Variants in MSRA observed in about 807,000 individuals in gnomAD.
MSRA encodes the protein methionine sulfoxide reductase A.
A neutral mutation model predicts 31.3 loss-of-function variants in MSRA; 54 were observed. The observed-to-expected ratio is 1.73, with a 90% confidence interval of 1.39 to 2.17. MSRA has a LOEUF of 2.17. MSRA is among the 30% of genes most tolerant of loss of function. The pLI is 0.00. For synonymous variants in MSRA, 169 were observed against 116.5 expected (o/e 1.45, Z -2.90); for missense variants, 507 against 300.9 (o/e 1.69, Z -5.07).
At chr8:10,257,349 A>T (rs778111227) in intron 3 of MSRA, among the ~76,000 whole-genome samples, 3 of 152,194 alleles carry the variant, frequency 2.0e-5, no homozygotes, top group Non-Finnish European at 4.4e-5. Context: ...GTCTCAATGC[A>T]TTGGACACTG....
At chr8:10,356,139 C>A (rs1395566397) in intron 5 of MSRA, among the ~76,000 whole-genome samples, 1 of 152,220 alleles carries the variant, frequency 6.6e-6, no homozygotes, top group Non-Finnish European at 1.5e-5. Flanking sequence ...TCTGGACATT[C>A]ACTGCTGGTA....
At chr8:10,267,410 T>C (rs1437561465) in intron 3 of MSRA, among the ~76,000 whole-genome samples, 1 of 152,016 alleles carries the variant, frequency 6.6e-6, no homozygotes, top group Non-Finnish European at 1.5e-5. Flanking sequence ...TGGGGTTGTG[T>C]AGGGATATGT....
At chr8:10,278,674 G>A (rs564249844) in intron 3 of MSRA, among the ~76,000 whole-genome samples, 6 of 152,324 alleles carry the variant, frequency 3.9e-5, no homozygotes, top group Admixed American at 3.9e-4. Flanking sequence ...CTAGGAAATG[G>A]AATTTTTAGA....
chr8:10,244,250 A>G (rs981320333), intron 2 of MSRA, among the ~76,000 whole-genome samples: 12 of 152,338 alleles, frequency 7.9e-5, no homozygotes, highest in Middle Eastern at 3.4e-3. Flanking sequence ...TAGAACACCA[A>G]TTGTACTGGA....
At chr8:10,237,617 G>A (rs1812054780) in intron 2 of MSRA, among the ~76,000 whole-genome samples, 1 of 152,132 alleles carries the variant, frequency 6.6e-6, no homozygotes, top group Admixed American at 6.6e-5. Context: ...TACTCTACTA[G>A]GTATTTTGAC....
rs1800600040 is a variant in MSRA, at chr8:10,297,314, T to A, written c.332-4220T>A. On this transcript the variant is annotated intron_variant, in intron 3 of 5. Coordinates refer to ENST00000317173, the MANE Select transcript of MSRA (RefSeq NM_012331.5). The stretch of plus-strand genomic sequence containing the variant: ...TGGAGGGAGATGCTTAGAGAGGACA[T>A]CATCCTTTTCATTTTTTCTTTCAAG... Among the ~76,000 whole-genome samples the A allele has an allele frequency of 2.0e-5, 3 of 152,166 alleles. No homozygotes were observed. In the South Asian group the frequency reaches 6.2e-4, roughly 32 times the overall value.
chr8:10,248,751 C>T (rs1377513021), intron 3 of MSRA, among the ~76,000 whole-genome samples: 1 of 152,134 alleles, frequency 6.6e-6, no homozygotes, highest in South Asian at 2.1e-4. Context: ...GGAGGTGTGC[C>T]CATCGTGGGC....
At position 10,294,715 on chromosome 8, in the gene MSRA, A is replaced by T. The variant is rs183598927; in HGVS notation, c.332-6819A>T. On this transcript the variant is annotated intron_variant, in intron 3 of 5. Transcript: ENST00000317173. ...CCTCCTTGCACAGGGCTGTCATTGC[A>T]CTGCGGGCTACAGCAGAGCCCAGTT... is the stretch of plus-strand genomic sequence containing the variant. Among the ~76,000 whole-genome samples, 27 of 152,252 alleles carry T rather than the reference A, an allele frequency of 1.8e-4. No individual in the cohort carries two copies. In the East Asian group the frequency reaches 2.7e-3, roughly 15 times the overall value.
chr8:10,190,528 C>G (rs1271664280), intron 1 of MSRA, among the ~76,000 whole-genome samples: 1 of 152,224 alleles, frequency 6.6e-6, no homozygotes, highest in Non-Finnish European at 1.5e-5. Flanking sequence ...GCAAACTTCT[C>G]AGCCGTCTGG....
chr8:10,115,627 C>G (rs187484535), intron 1 of MSRA, among the ~76,000 whole-genome samples: 3 of 152,126 alleles, frequency 2.0e-5, no homozygotes, highest in African/African-American at 7.2e-5. Context: ...GAACCAGTGG[C>G]GCTTTCTAAA....
chr8:10,188,580 G>A (rs949971187), intron 1 of MSRA, among the ~76,000 whole-genome samples: 4 of 152,304 alleles, frequency 2.6e-5, no homozygotes, highest in Non-Finnish European at 4.4e-5. Context: ...GTTAATTGTC[G>A]TATAAGGTTT....
At chr8:10,185,705 T>C (rs1367728070) in intron 1 of MSRA, among the ~76,000 whole-genome samples, 1 of 152,166 alleles carries the variant, frequency 6.6e-6, no homozygotes, top group Non-Finnish European at 1.5e-5. Context: ...ACTGTGACGC[T>C]TTTTGTGGAA....
At chr8:10,418,798 G>A (rs1394666807) in intron 5 of MSRA, among the ~76,000 whole-genome samples, 1 of 103,458 alleles carries the variant, frequency 9.7e-6, no homozygotes, top group East Asian at 3.4e-4. Context: ...TTTATGTTAT[G>A]TGTATTTTAC....
At chr8:10,348,297 G>T (rs919084609) in intron 5 of MSRA, among the ~76,000 whole-genome samples, 9 of 151,072 alleles carry the variant, frequency 6.0e-5, no homozygotes, top group Non-Finnish European at 8.8e-5. Flanking sequence ...TTTTTCTTGA[G>T]GCCTACACCA....
chr8:10,258,023 G>A (rs1393772887), intron 3 of MSRA, among the ~76,000 whole-genome samples: 1 of 152,146 alleles, frequency 6.6e-6, no homozygotes, highest in African/African-American at 2.4e-5. Context: ...TCGTTTCCAA[G>A]TGCATGGCAT....
At chr8:10,250,647 A>G in intron 3 of MSRA, 1 of 600,038 alleles carries the variant, frequency 1.7e-6, no homozygotes, top group Non-Finnish European at 3.0e-6. Flanking sequence ...GCAGGAGCCC[A>G]GGTGTGGGAA....
intron 1 of MSRA, among the ~76,000 whole-genome samples, chr8:10,201,659 G>C (rs1234932945): frequency 6.6e-6 from 1 of 152,182 alleles, no homozygotes; most frequent in Non-Finnish European, 1.5e-5. Context: ...AAGTGCATGA[G>C]ACATTCACAA....
rs757566617 is a variant in MSRA at position 10,245,084 on chromosome 8, T to C, written c.212-20T>C. The C allele has an allele frequency of 5.0e-6, 8 of 1,608,452 alleles. No individual in the cohort carries two copies. The highest frequency in any genetic ancestry group is 3.4e-6 in the Non-Finnish European group (4 of 1,178,242). ...TTTTGAATAATCAGTATCCTTTTTTTTTCTTTTTTCTTTTTTAAGGAATGG... is the reference window on the plus strand; with the variant it reads ...TTTTGAATAATCAGTATCCTTTTTTCTTCTTTTTTCTTTTTTAAGGAATGG... On this transcript the variant is annotated intron_variant, in intron 2 of 5. Coordinates refer to ENST00000317173, the MANE Select transcript of MSRA (RefSeq NM_012331.5).
chr8:10,198,861 T>C (rs1392851855), intron 1 of MSRA, among the ~76,000 whole-genome samples: 1 of 152,200 alleles, frequency 6.6e-6, no homozygotes, highest in Non-Finnish European at 1.5e-5. Flanking sequence ...GCATTCTTGG[T>C]ACCTATTGTC....
Sources: allele counts gnomAD v4.1 joint callset (sites outside exome capture counted in the v4.1 genomes callset), GRCh38; gene constraint gnomAD v4.1.1; transcripts MANE v1.5; gene names NCBI Gene and HGNC (gene_info 2026-07-23, HGNC 2026-07-21).